Variants in CD38 observed in about 807,000 individuals in gnomAD.
The protein encoded by CD38 is CD38 molecule.
In CD38, 31 loss-of-function variants were observed where a neutral mutation model predicts 36.3. The ratio of observed to expected loss-of-function variants is 0.85; its 90% CI spans 0.64 to 1.15. The LOEUF is 1.15. Among genes scored for constraint, CD38 ranks in the 50% most tolerant of loss-of-function variants. The probability of loss-of-function intolerance (pLI) is 0.00; values close to 1 mark genes in which losing one functional copy is unlikely to be tolerated. For synonymous variants in CD38, 131 were observed against 135.2 expected (o/e 0.97, Z 0.22); for missense variants, 380 against 371.9 (o/e 1.02, Z -0.18).
chr4:15,802,741 C>A (rs1723257319), intron 1 of CD38, among the ~76,000 whole-genome samples: 2 of 151,818 alleles, frequency 1.3e-5, no homozygotes, highest in South Asian at 4.2e-4. Context: ...GATAGGGTTT[C>A]ACCATGTTGG....
At chr4:15,827,981 TAAATC>T (rs1723885209) in intron 3 of CD38, among the ~76,000 whole-genome samples, 1 of 152,198 alleles carries the variant, frequency 6.6e-6, no homozygotes, top group Admixed American at 6.5e-5. Flanking sequence ...GTGGGATAAT[TAAATC>T]AAACTAATTA....
rs1477393862 is a variant in CD38, at chr4:15,851,301, A to G, written c.*2699A>G. The G allele has an allele frequency of 1.3e-5, 2 of 152,106 alleles. No homozygotes were observed. Among genetic ancestry groups the G allele is most frequent in the Non-Finnish European group, 2.9e-5 (2 of 68,012 alleles). The allele number at this position is 152,106 out of a possible 1,614,324, so 9.4% of individuals were successfully genotyped here. Reference sequence around the variant, plus strand: ...CCTACATGTATAAATACCCCCTCACAATATATATTACTTTTCCTATAAGTG... The same window carrying G: ...CCTACATGTATAAATACCCCCTCACGATATATATTACTTTTCCTATAAGTG... On this transcript the variant is annotated 3_prime_UTR_variant, in exon 8 of 8. Coordinates refer to ENST00000226279, the MANE Select transcript of CD38 (RefSeq NM_001775.4).
intron 1 of CD38, among the ~76,000 whole-genome samples, chr4:15,797,827 C>T (rs1723133136): frequency 6.6e-6 from 1 of 152,116 alleles, no homozygotes; most frequent in Non-Finnish European, 1.5e-5. Flanking sequence ...TTCCCCTTTT[C>T]ATAAGGACCC....
chr4:15,807,203 A>G (rs879367626), intron 1 of CD38, among the ~76,000 whole-genome samples: 1 of 152,128 alleles, frequency 6.6e-6, no homozygotes, highest in Admixed American at 6.6e-5. Context: ...GGAAAGGTTC[A>G]AGGAGACTGG....
At chr4:15,815,182 C>G (rs1468300827) in intron 1 of CD38, among the ~76,000 whole-genome samples, 1 of 152,100 alleles carries the variant, frequency 6.6e-6, no homozygotes, top group Non-Finnish European at 1.5e-5. Flanking sequence ...TTGTAGTACA[C>G]TTTGTAGTCA....
chr4:15,796,614 A>T (rs1168723493), intron 1 of CD38, among the ~76,000 whole-genome samples: 1 of 152,150 alleles, frequency 6.6e-6, no homozygotes, highest in Non-Finnish European at 1.5e-5. Flanking sequence ...ACATGTTACA[A>T]ATAAAATCGA....
intron 2 of CD38, among the ~76,000 whole-genome samples, chr4:15,821,995 T>C (rs981954348): frequency 2.0e-5 from 3 of 152,276 alleles, no homozygotes; most frequent in Non-Finnish European, 2.9e-5. Flanking sequence ...TTATCCACCA[T>C]GATCAAGTTG....
rs1722626682 is a variant in CD38 at position 15,778,941 on chromosome 4, C to G, written c.233+294C>G. Among the ~76,000 whole-genome samples, 1 of 152,148 alleles carries G rather than the reference C, an allele frequency of 6.6e-6. No individual in the cohort carries two copies. The highest frequency in any genetic ancestry group is 1.5e-5 in the Non-Finnish European group (1 of 68,018). On this transcript the variant is annotated intron_variant, in intron 1 of 7. Transcript: ENST00000226279. This position sits in a 1 kb window ranked among gnomAD's most constrained non-coding sequence, Gnocchi z 4.9. ...CGATGCCCGCCTTCTGGGCAAGGTG[C>G]CCTGAGCCCAGCCCCTCGCCGGGCT... is the stretch of plus-strand genomic sequence containing the variant.
intron 1 of CD38, among the ~76,000 whole-genome samples, chr4:15,802,640 T>C (rs965300911): frequency 5.3e-5 from 8 of 151,982 alleles, no homozygotes; most frequent in African/African-American, 1.9e-4. Context: ...CACTGCAATC[T>C]CTCCCTCCTG....
chr4:15,835,243 C>A (rs970748633), intron 4 of CD38, among the ~76,000 whole-genome samples: 1 of 151,800 alleles, frequency 6.6e-6, no homozygotes, highest in Non-Finnish European at 1.5e-5. Flanking sequence ...ATAAGATCAA[C>A]TTAATTTTAG....
rs558114372 is a variant in CD38 at position 15,805,476 on chromosome 4, C to T, written c.234-11035C>T. ...TTGACATTCATTCTAGTCTATTTTA[C>T]ATTTTTTTCTCATAGAACTCATAAA... On this transcript the variant is annotated intron_variant, in intron 1 of 7. Coordinates refer to ENST00000226279, the MANE Select transcript of CD38 (RefSeq NM_001775.4). Among the ~76,000 whole-genome samples the T allele has an allele frequency of 5.9e-5, 9 of 152,244 alleles. No individual in the cohort carries two copies. The South Asian group carries it at 1.7e-3, about 28-fold the overall frequency.
intron 1 of CD38, among the ~76,000 whole-genome samples, chr4:15,798,889 C>A (rs1391377363): frequency 6.6e-6 from 1 of 152,050 alleles, no homozygotes; most frequent in Non-Finnish European, 1.5e-5. Context: ...TTTGCTTGTT[C>A]TTATGTTGAA....
chr4:15,787,324 C>T (rs1014254703), intron 1 of CD38, among the ~76,000 whole-genome samples: 2 of 152,230 alleles, frequency 1.3e-5, no homozygotes, highest in Non-Finnish European at 2.9e-5. Flanking sequence ...TATAGTCACT[C>T]TGGCTATGTA....
chr4:15,848,537 A>G lies in CD38; in HGVS notation c.840-2A>G. ...ATTTCCTTTTTTGCTTTCTTGTCAT[A>G]GACCTGACAAGTTTCTTCAGTGTGT... On this transcript the variant is annotated splice_acceptor_variant, in intron 7 of 7. Coordinates refer to ENST00000226279, the MANE Select transcript of CD38 (RefSeq NM_001775.4). LOFTEE classifies it high-confidence loss of function. The G allele has an allele frequency of 1.2e-6, 2 of 1,610,794 alleles. No individual in the cohort carries two copies. Among genetic ancestry groups the G allele is most frequent in the East Asian group, 2.2e-5 (1 of 44,874 alleles).
At chr4:15,818,365 C>T (rs1471228657) in intron 2 of CD38, among the ~76,000 whole-genome samples, 1 of 152,170 alleles carries the variant, frequency 6.6e-6, no homozygotes, top group Non-Finnish European at 1.5e-5. Context: ...ACCTCCGTCT[C>T]CCTGGGACAG....
intron 1 of CD38, among the ~76,000 whole-genome samples, chr4:15,810,480 C>T (rs1723444848): frequency 6.6e-6 from 1 of 152,104 alleles, no homozygotes; most frequent in Admixed American, 6.5e-5. Flanking sequence ...ACAGGAAGTT[C>T]CCAAGAAGGC....
intron 2 of CD38, among the ~76,000 whole-genome samples, chr4:15,818,303 A>G (rs2148922698): frequency 6.6e-6 from 1 of 152,314 alleles, no homozygotes; most frequent in African/African-American, 2.4e-5. Context: ...CTCACTGGGC[A>G]GGGCATCTCT....
intron 5 of CD38, among the ~76,000 whole-genome samples, chr4:15,839,638 T>C (rs979781333): frequency 2.0e-5 from 3 of 151,824 alleles, no homozygotes; most frequent in East Asian, 3.9e-4. Context: ...TTAGCCAGGA[T>C]GGTCTCGATC....
Position 15,852,152 on chromosome 4 carries a change from C to T in CD38, c.*3550C>T, listed in dbSNP as rs372236802. On this transcript the variant is annotated 3_prime_UTR_variant, in exon 8 of 8. Transcript: ENST00000226279. ...TAATTGCAGCATCCAGTAGGTCTTA[C>T]TTTAGCCCTGAGTCACCATTTGTGT... is the stretch of plus-strand genomic sequence containing the variant. 2 of 152,246 alleles carry T rather than the reference C, an allele frequency of 1.3e-5. No homozygotes were observed. The highest frequency in any genetic ancestry group is 1.3e-4 in the Admixed American group (2 of 15,276). The allele number at this position is 152,246 out of a possible 1,614,324, so 9.4% of individuals were successfully genotyped here.
Sources: gnomAD v4.1 joint callset for allele counts (sites outside exome capture counted in the v4.1 genomes callset) on GRCh38, gnomAD v4.1.1 for gene constraint, Gnocchi (gnomAD v3.1) non-coding constraint, MANE v1.5 for transcripts, NCBI Gene and HGNC (gene_info 2026-07-23, HGNC 2026-07-21) for gene names.